The following VPS50 variants were observed in gnomAD, a reference collection of about 807,000 sequenced individuals.
The protein encoded by VPS50 is syndetin.
VPS50 carries 70 observed loss-of-function variants against 139.7 expected under a neutral mutation model. The ratio of observed to expected loss-of-function variants is 0.50; its 90% CI spans 0.41 to 0.61. The LOEUF (loss-of-function observed/expected upper bound fraction) is 0.61, where lower values mean the gene tolerates loss of function less well. VPS50 is among the 20% of genes least tolerant of loss of function. The pLI is 0.00. For synonymous variants in VPS50, 365 were observed against 376.7 expected, an observed-to-expected ratio of 0.97 and a Z score of 0.36; for missense variants, 921 against 1,133.7, an observed-to-expected ratio of 0.81 and a Z score of 2.69.
At chr7:93,328,024 G>A (rs1461955292) in intron 21 of VPS50, among the ~76,000 whole-genome samples, 2 of 152,088 alleles carry the variant, frequency 1.3e-5, no homozygotes, top group African/African-American at 2.4e-5. Flanking sequence ...TAGTTCAAAG[G>A]ATTACTCCTA....
At chr7:93,300,555 A>AATTAAGCTAAAC (rs1181925311) in intron 16 of VPS50, among the ~76,000 whole-genome samples, 57 of 152,168 alleles carry the variant, frequency 3.7e-4, no homozygotes, top group African/African-American at 1.3e-3. Context: ...CATTAAGAAA[A>AATTAAGCTAAAC]ATTAAGAAAT....
At chr7:93,280,596 G>T (rs186662728) in intron 12 of VPS50, among the ~76,000 whole-genome samples, 162 of 152,238 alleles carry the variant, frequency 1.1e-3, no homozygotes, top group African/African-American at 3.7e-3. Flanking sequence ...CCTTTGTAGA[G>T]AAACCCTTTG....
At chr7:93,276,608 G>A (rs767564647) in intron 12 of VPS50, among the ~76,000 whole-genome samples, 14 of 152,040 alleles carry the variant, frequency 9.2e-5, no homozygotes, top group Non-Finnish European at 1.9e-4. Context: ...GCATCCAGTA[G>A]GCTTCTAAGC....
chr7:93,275,094 A>G (rs1033006580), intron 11 of VPS50, among the ~76,000 whole-genome samples: 3 of 152,204 alleles, frequency 2.0e-5, no homozygotes, highest in Non-Finnish European at 4.4e-5. Context: ...CTACAATCTT[A>G]TGATAAAACT....
intron 21 of VPS50, among the ~76,000 whole-genome samples, chr7:93,324,569 T>A (rs1358474216): frequency 2.6e-5 from 4 of 152,244 alleles, no homozygotes; most frequent in African/African-American, 9.6e-5. Flanking sequence ...TTTGGTTCTG[T>A]TTATATGCTG....
At chr7:93,307,033 C>A (rs1797135642) in intron 18 of VPS50, among the ~76,000 whole-genome samples, 1 of 151,744 alleles carries the variant, frequency 6.6e-6, no homozygotes, top group East Asian at 1.9e-4. Flanking sequence ...AATAATATAT[C>A]TCTCTATAAA....
Position 93,276,153 on chromosome 7 carries a change from T to A in VPS50, c.802-12T>A, listed in dbSNP as rs770172494. On this transcript the variant is annotated splice_polypyrimidine_tract_variant and intron_variant, in intron 11 of 27. Transcript: ENST00000305866. ...ATGTGAAATTATGTTGTGCGTTTTT[T>A]TCTTTCCACAGACAGCAATGGATCA... is the stretch of plus-strand genomic sequence containing the variant. 2.6e-6 allele frequency: 4 copies of A among 1,548,076 alleles called. No individual in the cohort carries two copies. The South Asian group carries it at 5.1e-5, about 20-fold the overall frequency.
At chr7:93,345,842 C>G (rs926364037) in intron 23 of VPS50, among the ~76,000 whole-genome samples, 2 of 152,114 alleles carry the variant, frequency 1.3e-5, no homozygotes, top group African/African-American at 4.8e-5. Context: ...ATAATAAGAG[C>G]TATCTATGAC....
intron 2 of VPS50, among the ~76,000 whole-genome samples, chr7:93,248,621 C>T (rs1043846169): frequency 1.3e-5 from 2 of 152,034 alleles, no homozygotes; most frequent in African/African-American, 2.4e-5. Flanking sequence ...TCATTTTTTG[C>T]AATTAACTGT....
intron 1 of VPS50, among the ~76,000 whole-genome samples, chr7:93,234,065 A>G (rs1794725262): frequency 6.6e-6 from 1 of 152,216 alleles, no homozygotes; most frequent in African/African-American, 2.4e-5. Flanking sequence ...TTAAATCAAT[A>G]TATACTTTTG....
At chr7:93,324,733 C>A (rs1445606590) in intron 21 of VPS50, among the ~76,000 whole-genome samples, 1 of 152,120 alleles carries the variant, frequency 6.6e-6, no homozygotes, top group Non-Finnish European at 1.5e-5. Flanking sequence ...ATCCAACTTA[C>A]AAGGGATGTG....
intron 12 of VPS50, 43 bp downstream of exon 12, chr7:93,276,348 A>T (rs1363209415): frequency 3.2e-6 from 5 of 1,550,292 alleles, no homozygotes; most frequent in Non-Finnish European, 4.4e-6. Context: ...TCTCCTTTAG[A>T]TTTTAAATTT....
chr7:93,291,728 C>A lies in VPS50; in HGVS notation c.968C>A (p.Pro323Gln). Reference sequence around the variant, plus strand: ...CATGTTACACCAGACAGCTATATTCCATGCCTTGCAGACCTGTGCAAAGCA... The same window carrying A: ...CATGTTACACCAGACAGCTATATTCAATGCCTTGCAGACCTGTGCAAAGCA... Reference protein sequence around the residue: ...CTHVTPDSYIPCLADLCKALW... With the variant: ...CTHVTPDSYIQCLADLCKALW... Residue 323 changes from proline (P) to glutamine (Q), a missense_variant, in exon 13 of 28, where the codon CCA becomes CAA. This residue lies in a region of VPS50 where 744 missense variants were observed against 930.6 expected (regional missense o/e 0.80). Coordinates refer to ENST00000305866, the MANE Select transcript of VPS50 (RefSeq NM_017667.4). 1 of 1,575,328 alleles carries A rather than the reference C, an allele frequency of 6.3e-7. No individual in the cohort carries two copies. The highest frequency in any genetic ancestry group is 8.6e-7 in the Non-Finnish European group (1 of 1,158,776).
intron 25 of VPS50, among the ~76,000 whole-genome samples, chr7:93,353,255 G>A (rs952127306): frequency 6.6e-6 from 1 of 152,160 alleles, no homozygotes; most frequent in African/African-American, 2.4e-5. Context: ...CTGAACGCAT[G>A]TCAAACCATG....
chr7:93,264,782 C>G (rs1186644313), intron 9 of VPS50, among the ~76,000 whole-genome samples: 5 of 152,204 alleles, frequency 3.3e-5, no homozygotes, highest in Admixed American at 6.5e-5. Flanking sequence ...CTTTCTTCCT[C>G]TAAGGTCAGG....
intron 11 of VPS50, among the ~76,000 whole-genome samples, chr7:93,273,806 C>A (rs973497102): frequency 1.3e-5 from 2 of 152,096 alleles, no homozygotes; most frequent in Non-Finnish European, 2.9e-5. Flanking sequence ...TTATGACAAA[C>A]CTGCATCAAG....
chr7:93,254,695 A>T (rs1248845884), intron 4 of VPS50, among the ~76,000 whole-genome samples: 1 of 152,124 alleles, frequency 6.6e-6, no homozygotes, highest in African/African-American at 2.4e-5. Context: ...CAGTAAAGTG[A>T]TAGGCTTGCA....
At chr7:93,257,732 TTTTC>T (rs886100620) in intron 6 of VPS50, 1 of 281,102 alleles carries the variant, frequency 3.6e-6, no homozygotes, top group African/African-American at 2.2e-5. Flanking sequence ...GCACCTACTT[TTTTC>T]TTTCTAAAAT....
intron 2 of VPS50, among the ~76,000 whole-genome samples, chr7:93,243,417 A>T (rs542161004): frequency 2.6e-5 from 4 of 151,714 alleles, no homozygotes; most frequent in Non-Finnish European, 4.4e-5. Context: ...GTGTAGAGCC[A>T]GGTTTGGGAA....
Sources: gnomAD v4.1 joint callset for allele counts (sites outside exome capture counted in the v4.1 genomes callset) on GRCh38, gnomAD v4.1.1 for gene constraint, gnomAD v4.1.1 regional missense constraint, MANE v1.5 for transcripts, NCBI Gene and HGNC (gene_info 2026-07-23, HGNC 2026-07-21) for gene names.